The following MYRIP variants were observed in gnomAD, a reference collection of about 807,000 sequenced individuals.
The protein encoded by MYRIP is rab effector MyRIP.
A neutral mutation model predicts 98.0 loss-of-function variants in MYRIP; 49 were observed. The ratio of observed to expected loss-of-function variants is 0.50; its 90% CI spans 0.40 to 0.63. The LOEUF is 0.63. MYRIP is among the 30% of genes least tolerant of loss of function. The pLI is 0.00. For synonymous variants in MYRIP, 404 were observed against 409.5 expected, an observed-to-expected ratio of 0.99 and a Z score of 0.16; for missense variants, 1,004 against 1,058.2, an observed-to-expected ratio of 0.95 and a Z score of 0.71.
At chr3:39,928,240 A>C (rs1944460214) in intron 2 of MYRIP, among the ~76,000 whole-genome samples, 1 of 152,120 alleles carries the variant, frequency 6.6e-6, no homozygotes, top group East Asian at 1.9e-4. Context: ...GGAAAATTCT[A>C]ACAAATGGGT....
chr3:40,051,630 C>A (rs1947797008), intron 3 of MYRIP, among the ~76,000 whole-genome samples: 1 of 152,066 alleles, frequency 6.6e-6, no homozygotes, highest in Non-Finnish European at 1.5e-5. Flanking sequence ...TTACCTTTAA[C>A]ACAGAACAAT....
chr3:39,972,354 A>T (rs1283564875), intron 2 of MYRIP, among the ~76,000 whole-genome samples: 1 of 152,032 alleles, frequency 6.6e-6, no homozygotes, highest in Non-Finnish European at 1.5e-5. Context: ...GCATGCAATT[A>T]TTTGCATATT....
At chr3:40,162,849 G>A in intron 5 of MYRIP, 39 bp downstream of exon 5, 1 of 1,583,056 alleles carries the variant, frequency 6.3e-7, no homozygotes, top group Non-Finnish European at 8.7e-7. Flanking sequence ...TGGGAAGTTG[G>A]AGTAATAGAA....
intron 2 of MYRIP, among the ~76,000 whole-genome samples, chr3:40,018,632 T>C (rs941539701): frequency 6.6e-6 from 1 of 152,162 alleles, no homozygotes; most frequent in Non-Finnish European, 1.5e-5. Flanking sequence ...TCACCCTTCC[T>C]GCTTCCACTG....
chr3:39,932,803 T>C (rs1944570772), intron 2 of MYRIP, among the ~76,000 whole-genome samples: 1 of 152,152 alleles, frequency 6.6e-6, no homozygotes, highest in South Asian at 2.1e-4. Flanking sequence ...CTTTCTACCT[T>C]TAGGGTATAT....
At chr3:40,252,965 A>G (rs1240304457) in intron 16 of MYRIP, among the ~76,000 whole-genome samples, 1 of 152,160 alleles carries the variant, frequency 6.6e-6, no homozygotes, top group Non-Finnish European at 1.5e-5. Flanking sequence ...CTTAAATTCT[A>G]ATCAGTCTAC....
At chr3:39,876,368 A>C (rs961288873) in intron 1 of MYRIP, among the ~76,000 whole-genome samples, 3 of 152,146 alleles carry the variant, frequency 2.0e-5, no homozygotes, top group African/African-American at 7.2e-5. Flanking sequence ...TTATGTGTGA[A>C]TTTGATCCTG....
At chr3:40,214,949 T>C (rs1193431354) in intron 11 of MYRIP, among the ~76,000 whole-genome samples, 1 of 152,124 alleles carries the variant, frequency 6.6e-6, no homozygotes, top group Non-Finnish European at 1.5e-5. Flanking sequence ...GGACCAGCAG[T>C]CCCCAAGGTC....
chr3:39,919,799 ATTCATTTTACAT>A (rs1389812918), intron 2 of MYRIP, among the ~76,000 whole-genome samples: 11 of 151,808 alleles, frequency 7.2e-5, no homozygotes, highest in Non-Finnish European at 1.2e-4. Context: ...TACACTATTT[ATTCATTTTACAT>A]GAACCTCAAA....
intron 2 of MYRIP, among the ~76,000 whole-genome samples, chr3:39,920,865 G>A (rs1278124978): frequency 6.6e-6 from 1 of 152,164 alleles, no homozygotes; most frequent in Non-Finnish European, 1.5e-5. Context: ...TTCTTCGTGA[G>A]TCACAAGGGC....
intron 3 of MYRIP, among the ~76,000 whole-genome samples, chr3:40,100,417 C>T (rs1360509571): frequency 6.6e-6 from 1 of 152,144 alleles, no homozygotes; most frequent in Non-Finnish European, 1.5e-5. Flanking sequence ...TAGCATTTTG[C>T]ATATGCATAT....
chr3:40,245,320 T>C (rs1015008421), intron 13 of MYRIP, among the ~76,000 whole-genome samples: 1 of 152,152 alleles, frequency 6.6e-6, no homozygotes, highest in African/African-American at 2.4e-5. Context: ...TCTACAGATA[T>C]ATTCTTGGGA....
intron 2 of MYRIP, among the ~76,000 whole-genome samples, chr3:39,919,717 T>TGAGA (rs769723675): frequency 0.013 from 1,979 of 148,864 alleles, 21 homozygotes; most frequent in Middle Eastern, 0.028. Context: ...TGTGTGTGTG[T>TGAGA]GTGTGTGTGT....
At chr3:39,829,695 T>C (rs1941382369) in intron 1 of MYRIP, among the ~76,000 whole-genome samples, 1 of 152,138 alleles carries the variant, frequency 6.6e-6, no homozygotes, top group Non-Finnish European at 1.5e-5. Flanking sequence ...CTGTACTTTT[T>C]TTTATACATA....
chr3:40,212,101 TGTGTATATATATATACATATATATAC>T lies in MYRIP; in HGVS notation c.1905+2067_1905+2092del, dbSNP rs36206991. ...ATATAGCCATATATATATATGTGTGTGTGTATATATATATACATATATATACGTGTATATATATATACATATATATA... is the reference window on the plus strand; with the variant it reads ...ATATAGCCATATATATATATGTGTGTGTGTATATATATATACATATATATA... On this transcript the variant is annotated intron_variant, in intron 11 of 16. Transcript: ENST00000302541. 1.3e-4 allele frequency among the ~76,000 whole-genome samples: 19 copies of T among 141,776 alleles called. 1 individual carries two copies. Among genetic ancestry groups the T allele is most frequent in the African/African-American group, 4.3e-4 (17 of 39,160 alleles). 93.0% of individuals were successfully genotyped at this position (141,776 alleles called of 152,430 possible). A position where few individuals can be genotyped will look rare whatever the true frequency, so the allele number is the denominator to read the frequency against.
At chr3:40,149,513 G>T (rs896602616) in intron 3 of MYRIP, among the ~76,000 whole-genome samples, 1 of 152,196 alleles carries the variant, frequency 6.6e-6, no homozygotes, top group Admixed American at 6.5e-5. Flanking sequence ...TAAATCTGAA[G>T]TAGATTGTTC....
At chr3:39,990,524 A>G (rs1277043628) in intron 2 of MYRIP, among the ~76,000 whole-genome samples, 1 of 152,246 alleles carries the variant, frequency 6.6e-6, no homozygotes, top group Admixed American at 6.5e-5. Flanking sequence ...CTTGAGTGAA[A>G]TAATGTCTAT....
chr3:40,054,029 T>C (rs573710614), intron 3 of MYRIP, among the ~76,000 whole-genome samples: 296 of 152,290 alleles, frequency 1.9e-3, no homozygotes, highest in Non-Finnish European at 2.5e-3. Flanking sequence ...TTTGTCACTC[T>C]GGCTGCCTTA....
chr3:40,024,581 T>G (rs1447287797), intron 2 of MYRIP, among the ~76,000 whole-genome samples: 2 of 151,912 alleles, frequency 1.3e-5, no homozygotes, highest in Non-Finnish European at 2.9e-5. Context: ...TTTTTTTTTT[T>G]TTTACATGTC....
Sources: gnomAD v4.1 joint callset for allele counts (sites outside exome capture counted in the v4.1 genomes callset) on GRCh38, gnomAD v4.1.1 for gene constraint, MANE v1.5 for transcripts, NCBI Gene and HGNC (gene_info 2026-07-23, HGNC 2026-07-21) for gene names.